PSMF1: variants seen among roughly 807,000 people sequenced by gnomAD.
PSMF1 encodes the protein proteasome inhibitor subunit 1.
In PSMF1, 30 loss-of-function variants were observed where a neutral mutation model predicts 29.3. The observed-to-expected ratio is 1.02, with a 90% CI of 0.77 to 1.39. PSMF1 has a LOEUF of 1.39. Among genes scored for constraint, PSMF1 ranks in the 40% most tolerant of loss-of-function variants. PSMF1 has a pLI of 0.00. For synonymous variants in PSMF1, 134 were observed against 139.7 expected (o/e 0.96, Z 0.29); for missense variants, 344 against 357.5 (o/e 0.96, Z 0.31).
intron 3 of PSMF1, among the ~76,000 whole-genome samples, chr20:1,130,674 C>T (rs1013907735): frequency 7.9e-5 from 12 of 152,132 alleles, no homozygotes; most frequent in Non-Finnish European, 1.6e-4. Context: ...GTTGCCCAGG[C>T]AGGCTGGAGT....
Position 1,166,081 on chromosome 20 carries a change from G to C in PSMF1, c.*1001G>C. On this transcript the variant is annotated 3_prime_UTR_variant, in exon 7 of 7. Coordinates refer to ENST00000335877, the MANE Select transcript of PSMF1 (RefSeq NM_006814.5). Reference sequence around the variant, plus strand: ...CCTTGTGTGGTTCTTGCCTAACTCTGTGGTTTTTGGACCCCATGGGGCCCA... The same window carrying C: ...CCTTGTGTGGTTCTTGCCTAACTCTCTGGTTTTTGGACCCCATGGGGCCCA... 3.9e-6 allele frequency: 6 copies of C among 1,519,206 alleles called. No individual in the cohort carries two copies. Among genetic ancestry groups the C allele is most frequent in the Non-Finnish European group, 5.3e-6 (6 of 1,128,890 alleles). The allele number at this position is 1,519,206 out of a possible 1,614,324, so 94.1% of individuals were successfully genotyped here.
chr20:1,120,674 T>C (rs1380138344), intron 1 of PSMF1, among the ~76,000 whole-genome samples: 2 of 152,178 alleles, frequency 1.3e-5, no homozygotes, highest in South Asian at 2.1e-4. Flanking sequence ...CAGGGGACAG[T>C]GGGGCTGAGA....
intron 1 of PSMF1, among the ~76,000 whole-genome samples, chr20:1,121,835 T>C (rs1295020213): frequency 2.6e-5 from 4 of 152,238 alleles, no homozygotes; most frequent in African/African-American, 9.6e-5. Flanking sequence ...TGGATTTCTT[T>C]CTTGAAGTCA....
chr20:1,115,153 A>C (rs2085999836), upstream of PSMF1, among the ~76,000 whole-genome samples: 1 of 123,776 alleles, frequency 8.1e-6, no homozygotes, highest in Non-Finnish European at 1.7e-5. Flanking sequence ...CTGCCCTGTA[A>C]GATGCCAGCT....
At chr20:1,147,261 A>G (rs919394473) in intron 4 of PSMF1, among the ~76,000 whole-genome samples, 1 of 152,010 alleles carries the variant, frequency 6.6e-6, no homozygotes, top group Non-Finnish European at 1.5e-5. Context: ...GTGTTAATTT[A>G]TGGTTGCTTA....
At chr20:1,139,692 C>CTGAG (rs1402251660) in intron 4 of PSMF1, among the ~76,000 whole-genome samples, 2 of 150,306 alleles carry the variant, frequency 1.3e-5, no homozygotes, top group Non-Finnish European at 1.5e-5. Flanking sequence ...TTGCAGTGAG[C>CTGAG]TGAGATTGCA....
chr20:1,120,029 C>T (rs553385217), intron 1 of PSMF1, among the ~76,000 whole-genome samples: 8 of 152,134 alleles, frequency 5.3e-5, no homozygotes, highest in Non-Finnish European at 8.8e-5. Flanking sequence ...TCTCTTCAAA[C>T]TTGCTTTGTA....
rs923332108 is a variant in PSMF1, at chr20:1,166,154, C to A, written c.*1074C>A. ...TGCCTCTGAGTGTGGTGTTGAACTT[C>A]GGGAGGAGCAGGGAGCCCTGCACCT... On this transcript the variant is annotated 3_prime_UTR_variant, in exon 7 of 7. Coordinates refer to ENST00000335877, the MANE Select transcript of PSMF1 (RefSeq NM_006814.5). The A allele has an allele frequency of 6.3e-7, 1 of 1,588,784 alleles. No homozygotes were observed. The highest frequency in any genetic ancestry group is 1.1e-5 in the South Asian group (1 of 87,230).
intron 4 of PSMF1, among the ~76,000 whole-genome samples, chr20:1,136,483 A>G (rs2086308513): frequency 6.6e-6 from 1 of 152,248 alleles, no homozygotes; most frequent in Non-Finnish European, 1.5e-5. Context: ...CCCAATGCCC[A>G]TTTCAAAACA....
intron 4 of PSMF1, among the ~76,000 whole-genome samples, chr20:1,139,413 T>A (rs1568472173): frequency 6.6e-6 from 1 of 152,146 alleles, no homozygotes. Context: ...ATAAGGGGTA[T>A]CCAGATTAGA....
At chr20:1,131,645 T>C (rs777624011) in intron 3 of PSMF1, among the ~76,000 whole-genome samples, 2 of 152,244 alleles carry the variant, frequency 1.3e-5, no homozygotes, top group Non-Finnish European at 2.9e-5. Context: ...TATTAGGTCA[T>C]TGTGGCATGT....
At chr20:1,122,808 C>T (rs918969002) in intron 1 of PSMF1, among the ~76,000 whole-genome samples, 3 of 152,196 alleles carry the variant, frequency 2.0e-5, no homozygotes, top group Non-Finnish European at 4.4e-5. Flanking sequence ...TCAGTTTCAC[C>T]TGACTTCAGG....
chr20:1,135,155 A>ATT lies in PSMF1; in HGVS notation c.401_402dup (p.Val135LeufsTer18). On this transcript the variant is annotated frameshift_variant, in exon 4 of 7. Transcript: ENST00000335877. LOFTEE classifies it high-confidence loss of function. ...GAACAGTGAGGAGCTTCGGTCTCGT[A>ATT]TTGTGTCTGGAATCATCACACCTAT... 6.2e-7 allele frequency: 1 copy of ATT among 1,614,132 alleles called. No homozygotes were observed. Among genetic ancestry groups the ATT allele is most frequent in the Non-Finnish European group, 8.5e-7 (1 of 1,180,024 alleles).
upstream of PSMF1, among the ~76,000 whole-genome samples, chr20:1,116,112 G>A (rs778200420): frequency 2.0e-5 from 3 of 151,674 alleles, no homozygotes; most frequent in African/African-American, 7.3e-5. Context: ...GCCCACAGTA[G>A]GCACTTAGGA....
At chr20:1,148,455 A>G (rs1012418393) in intron 4 of PSMF1, among the ~76,000 whole-genome samples, 2 of 152,180 alleles carry the variant, frequency 1.3e-5, no homozygotes, top group African/African-American at 2.4e-5. Context: ...AGTTTTTTCT[A>G]TGCTTAACCA....
At chr20:1,135,982 G>A (rs192975294) in intron 4 of PSMF1, among the ~76,000 whole-genome samples, 7 of 152,298 alleles carry the variant, frequency 4.6e-5, no homozygotes, top group African/African-American at 1.7e-4. Flanking sequence ...AGGGATAAGG[G>A]ACAGAGTTCA....
intron 4 of PSMF1, among the ~76,000 whole-genome samples, chr20:1,152,574 A>G (rs1453505339): frequency 6.6e-6 from 1 of 152,214 alleles, no homozygotes; most frequent in Non-Finnish European, 1.5e-5. Flanking sequence ...CAGGTTTTAC[A>G]AGGGAGGGAC....
At chr20:1,155,120 C>T (rs898265252) in intron 4 of PSMF1, among the ~76,000 whole-genome samples, 11 of 152,290 alleles carry the variant, frequency 7.2e-5, no homozygotes, top group East Asian at 1.9e-4. Context: ...GTGAATTCAC[C>T]GTTGTTCCCC....
rs1301304868 is a variant in PSMF1, at chr20:1,171,207, C to T, written c.*6127C>T. ...GCGTGCCTCATGCTCCTGAGTACCT[C>T]CACCTGCAGCCACAGTGCCCAGAGC... is the stretch of plus-strand genomic sequence containing the variant. On this transcript the variant is annotated 3_prime_UTR_variant, in exon 7 of 7. Coordinates refer to ENST00000335877, the MANE Select transcript of PSMF1 (RefSeq NM_006814.5). Among the ~76,000 whole-genome samples, 1 of 152,176 alleles carries T rather than the reference C, an allele frequency of 6.6e-6. No individual in the cohort carries two copies. Among genetic ancestry groups the T allele is most frequent in the African/African-American group, 2.4e-5 (1 of 41,426 alleles).
Sources: gnomAD v4.1 joint callset for allele counts (sites outside exome capture counted in the v4.1 genomes callset) on GRCh38, gnomAD v4.1.1 for gene constraint, MANE v1.5 for transcripts, NCBI Gene and HGNC (gene_info 2026-07-23, HGNC 2026-07-21) for gene names.